Variants in COL23A1 observed in about 807,000 individuals in gnomAD.
The protein encoded by COL23A1 is collagen type XXIII alpha 1 chain, also known as collagen alpha-1(XXIII) chain.
Under a neutral mutation model 99.3 loss-of-function variants are expected in COL23A1, and 97 were observed. That is an observed-to-expected ratio of 0.98 (90% CI 0.83 to 1.16). The LOEUF is 1.16. COL23A1 is among the 50% of genes most tolerant of loss of function. The pLI, the probability that COL23A1 is intolerant of heterozygous loss-of-function variation, is 0.00. For missense variants in COL23A1, 762 were observed against 757.4 expected, an observed-to-expected ratio of 1.01 and a Z score of -0.07; for synonymous variants, 320 against 308.2, an observed-to-expected ratio of 1.04 and a Z score of -0.40.
At position 178,255,163 on chromosome 5, in the gene COL23A1, C is replaced by A. The variant is rs1765237248; in HGVS notation, c.883-137G>T. 2.8e-6 allele frequency: 2 copies of A among 710,764 alleles called. No homozygotes were observed. The highest frequency in any genetic ancestry group is 4.9e-6 in the Non-Finnish European group (2 of 408,676). 44.0% of individuals were successfully genotyped at this position (710,764 alleles called of 1,614,324 possible). ...CACCCAGGCTGCACGCATGCCCCTC[C>A]CCAGGGTGGATGGAGGGAACGGGAG... On this transcript the variant is annotated intron_variant, in intron 15 of 28. Transcript: ENST00000390654. The surrounding 1 kb of genome is among the most constrained non-coding windows in gnomAD (Gnocchi z 4.2).
chr5:178,369,959 T>C (rs1762711568), intron 2 of COL23A1, among the ~76,000 whole-genome samples: 1 of 152,184 alleles, frequency 6.6e-6, no homozygotes, highest in Non-Finnish European at 1.5e-5. Context: ...CCCTTCTAGA[T>C]GTGGCCCGAA....
At position 178,429,204 on chromosome 5, in the gene COL23A1, GA is replaced by G. The variant is rs1273014373; in HGVS notation, c.362-122286del. The stretch of plus-strand genomic sequence containing the variant: ...GCAGTGGATGGGGCATGCGCCTCGG[GA>G]AAGGCCGGGACTCATCCAAGGTCAC... On this transcript the variant is annotated intron_variant, in intron 2 of 28. Transcript: ENST00000390654. Among the ~76,000 whole-genome samples the G allele has an allele frequency of 2.0e-5, 3 of 152,210 alleles. No individual in the cohort carries two copies. The East Asian group carries it at 5.8e-4, about 29-fold the overall frequency.
chr5:178,433,338 C>T (rs1766367589), intron 2 of COL23A1, among the ~76,000 whole-genome samples: 1 of 152,160 alleles, frequency 6.6e-6, no homozygotes, highest in Admixed American at 6.5e-5. Flanking sequence ...TACAAATGAA[C>T]AGCCAGATGA....
chr5:178,319,579 C>T (rs897373640), intron 2 of COL23A1, among the ~76,000 whole-genome samples: 8 of 152,200 alleles, frequency 5.3e-5, no homozygotes, highest in Non-Finnish European at 1.0e-4. Context: ...CCAGGAGAAG[C>T]TGGGCATGCA....
intron 1 of COL23A1, among the ~76,000 whole-genome samples, chr5:178,572,072 C>CAAA (rs57863132): frequency 1.8e-5 from 2 of 109,496 alleles, no homozygotes; most frequent in African/African-American, 7.8e-5. Context: ...TTTCTCAAAA[C>CAAA]AAAAAAAAAA....
chr5:178,453,342 G>A (rs1285097496), intron 2 of COL23A1, among the ~76,000 whole-genome samples: 2 of 152,148 alleles, frequency 1.3e-5, no homozygotes, highest in Non-Finnish European at 2.9e-5. Context: ...TGACCTGGGG[G>A]TATCATGTTC....
At chr5:178,355,272 CAAATA>C (rs1297242638) in intron 2 of COL23A1, among the ~76,000 whole-genome samples, 2 of 64,634 alleles carry the variant, frequency 3.1e-5, no homozygotes, top group Non-Finnish European at 8.3e-5. Flanking sequence ...CAAAGAACCT[CAAATA>C]AAATAAGATA....
chr5:178,572,615 C>T (rs1164638163), intron 1 of COL23A1, among the ~76,000 whole-genome samples: 1 of 152,248 alleles, frequency 6.6e-6, no homozygotes, highest in Non-Finnish European at 1.5e-5. Flanking sequence ...CCTTCAGCAA[C>T]AGTTTCTTAA....
chr5:178,436,296 A>G (rs1328225201), intron 2 of COL23A1, among the ~76,000 whole-genome samples: 1 of 152,156 alleles, frequency 6.6e-6, no homozygotes, highest in Non-Finnish European at 1.5e-5. Context: ...TGAGAGAGAC[A>G]GAGGCAGAAA....
At position 178,428,997 on chromosome 5, in the gene COL23A1, C is replaced by T. The variant is rs948200148; in HGVS notation, c.362-122078G>A. On this transcript the variant is annotated intron_variant, in intron 2 of 28. Coordinates refer to ENST00000390654, the MANE Select transcript of COL23A1 (RefSeq NM_173465.4). This position sits in a 1 kb window ranked among gnomAD's most constrained non-coding sequence, Gnocchi z 5.0. ...CCCAGTGCTGCCCAGGCCCAGCACCCGGGGTGCGGGTGTACCTTCTTTTCT... is the reference window on the plus strand; with the variant it reads ...CCCAGTGCTGCCCAGGCCCAGCACCTGGGGTGCGGGTGTACCTTCTTTTCT... Among the ~76,000 whole-genome samples, 6 of 152,096 alleles carry T rather than the reference C, an allele frequency of 3.9e-5. No individual in the cohort carries two copies. The highest frequency in any genetic ancestry group is 7.4e-5 in the Non-Finnish European group (5 of 68,006).
chr5:178,308,085 TTG>T lies in COL23A1; in HGVS notation c.362-1168_362-1167del, dbSNP rs1758464938. Among the ~76,000 whole-genome samples the T allele has an allele frequency of 6.6e-6, 1 of 151,490 alleles. No homozygotes were observed. Among genetic ancestry groups the T allele is most frequent in the Non-Finnish European group, 1.5e-5 (1 of 67,940 alleles). ...TGTGTGCATGTGTGTGTCTGTGTTT[TTG>T]TGTCTGTGTTTCTGTGTGTGTGTCT... On this transcript the variant is annotated intron_variant, in intron 2 of 28. Transcript: ENST00000390654. This position sits in a 1 kb window ranked among gnomAD's most constrained non-coding sequence, Gnocchi z 5.1.
intron 2 of COL23A1, among the ~76,000 whole-genome samples, chr5:178,529,566 T>C (rs995922699): frequency 2.0e-5 from 3 of 152,168 alleles, no homozygotes; most frequent in African/African-American, 7.2e-5. Context: ...CAAAATTCAT[T>C]TTTTTGCTTT....
chr5:178,502,868 G>A (rs1422435671), intron 2 of COL23A1, among the ~76,000 whole-genome samples: 3 of 152,112 alleles, frequency 2.0e-5, no homozygotes, highest in East Asian at 1.9e-4. Context: ...CCACCATCAC[G>A]CCCACACGCC....
At chr5:178,573,499 G>A (rs1581663893) in intron 1 of COL23A1, among the ~76,000 whole-genome samples, 1 of 152,228 alleles carries the variant, frequency 6.6e-6, no homozygotes, top group Non-Finnish European at 1.5e-5. Flanking sequence ...AACCACGTCA[G>A]CAAACGCATT....
In COL23A1 at chr5:178,384,001, C is replaced by T. The variant is rs1763527029; in HGVS notation, c.362-77082G>A. On this transcript the variant is annotated intron_variant, in intron 2 of 28. Transcript: ENST00000390654. This position sits in a 1 kb window ranked among gnomAD's most constrained non-coding sequence, Gnocchi z 5.5. ...TCCATCCTGTTAGCAAACGAGGCCA[C>T]GCTGTGTGACACGGGGGCCCAGGAC... Among the ~76,000 whole-genome samples, 1 of 152,170 alleles carries T rather than the reference C, an allele frequency of 6.6e-6. No homozygotes were observed. The highest frequency in any genetic ancestry group is 2.1e-4 in the South Asian group (1 of 4,836).
At chr5:178,469,237 G>A (rs896123587) in intron 2 of COL23A1, among the ~76,000 whole-genome samples, 2 of 152,142 alleles carry the variant, frequency 1.3e-5, no homozygotes, top group African/African-American at 4.8e-5. Context: ...CTGGGTCTCC[G>A]TGTTCTTCCT....
chr5:178,241,192 G>C (rs1764375219), intron 27 of COL23A1, among the ~76,000 whole-genome samples: 1 of 152,144 alleles, frequency 6.6e-6, no homozygotes, highest in African/African-American at 2.4e-5. Context: ...GATCGCTCCA[G>C]CCTGGGCGAC....
At chr5:178,577,481 A>G (rs1407349681) in intron 1 of COL23A1, among the ~76,000 whole-genome samples, 2 of 152,172 alleles carry the variant, frequency 1.3e-5, no homozygotes, top group Non-Finnish European at 2.9e-5. Context: ...GTGGTGCTGT[A>G]GGGGGAAGCT....
At chr5:178,432,938 T>A (rs1055474075) in intron 2 of COL23A1, among the ~76,000 whole-genome samples, 34 of 152,094 alleles carry the variant, frequency 2.2e-4, no homozygotes, top group African/African-American at 5.8e-4. Flanking sequence ...TTCTGGCAAC[T>A]CGAATCCACC....
Sources: allele counts gnomAD v4.1 joint callset (sites outside exome capture counted in the v4.1 genomes callset), GRCh38; gene constraint gnomAD v4.1.1; non-coding constraint Gnocchi (gnomAD v3.1); transcripts MANE v1.5; gene names NCBI Gene and HGNC (gene_info 2026-07-23, HGNC 2026-07-21).